The following RBFOX1 variants were observed in gnomAD, a reference collection of about 807,000 sequenced individuals.
The protein encoded by RBFOX1 is RNA binding fox-1 homolog 1.
A neutral mutation model predicts 57.7 loss-of-function variants in RBFOX1; 8 were observed. The observed-to-expected ratio is 0.14, with a 90% CI of 0.08 to 0.25. The LOEUF is 0.25. Ranked by LOEUF, RBFOX1 falls within the 10% of genes least tolerant of loss-of-function variation. The pLI is 1.00. For synonymous variants in RBFOX1, 326 were observed against 222.4 expected (o/e 1.47, Z -4.15); for missense variants, 611 against 548.5 (o/e 1.11, Z -1.14).
At chr16:5,771,895 T>C (rs2053990430) in intron 3 of RBFOX1, among the ~76,000 whole-genome samples, 1 of 152,146 alleles carries the variant, frequency 6.6e-6, no homozygotes, top group Admixed American at 6.6e-5. Flanking sequence ...TAGTTTGGGC[T>C]GGGCACAGTG....
At chr16:6,059,023 T>A (rs2095652049) in intron 1 of RBFOX1, among the ~76,000 whole-genome samples, 1 of 152,234 alleles carries the variant, frequency 6.6e-6, no homozygotes, top group African/African-American at 2.4e-5. Flanking sequence ...GAATGCCACA[T>A]CTTTGCAAAA....
rs559927304 is a variant in RBFOX1, at chr16:7,278,284, A to G, written c.27+226186A>G. 8.5e-5 allele frequency among the ~76,000 whole-genome samples: 13 copies of G among 152,296 alleles called. No homozygotes were observed. The South Asian group carries it at 2.1e-3, about 24-fold the overall frequency. ...AATTGCAAGTATACCAGCTAATTAG[A>G]CATGTGTTCCGTAATGCTTAAAGAG... is the stretch of plus-strand genomic sequence containing the variant. On this transcript the variant is annotated intron_variant, in intron 4 of 15. Coordinates refer to ENST00000550418, the MANE Select transcript of RBFOX1 (RefSeq NM_018723.4).
At chr16:6,969,637 G>A (rs2085075636) in intron 3 of RBFOX1, among the ~76,000 whole-genome samples, 1 of 152,110 alleles carries the variant, frequency 6.6e-6, no homozygotes, top group Admixed American at 6.6e-5. Context: ...TCAGCTACTC[G>A]GGAGGCTGAG....
intron 1 of RBFOX1, among the ~76,000 whole-genome samples, chr16:5,331,096 G>A (rs1308678370): frequency 6.6e-6 from 1 of 152,136 alleles, no homozygotes; most frequent in African/African-American, 2.4e-5. Context: ...AGGGGAGAGA[G>A]GGAGGTAAAC....
At chr16:5,249,859 T>G (rs1366795125) in intron 1 of RBFOX1, among the ~76,000 whole-genome samples, 2 of 152,166 alleles carry the variant, frequency 1.3e-5, no homozygotes, top group Non-Finnish European at 2.9e-5. Context: ...TTTGGGAGGC[T>G]GAGGCAAGAG....
intron 3 of RBFOX1, among the ~76,000 whole-genome samples, chr16:6,735,923 AT>A (rs138048642): frequency 1.5e-4 from 23 of 150,004 alleles, no homozygotes; most frequent in African/African-American, 4.9e-4. Flanking sequence ...TTTTGTCGCC[AT>A]TTTTTTTTTG....
chr16:6,408,842 C>G (rs562690154), intron 2 of RBFOX1, among the ~76,000 whole-genome samples: 186 of 152,242 alleles, frequency 1.2e-3, no homozygotes, highest in African/African-American at 4.3e-3. Context: ...ACCCATCTTG[C>G]TGCTATTTTC....
intron 4 of RBFOX1, among the ~76,000 whole-genome samples, chr16:7,269,617 C>T (rs2095267638): frequency 2.0e-5 from 3 of 151,990 alleles, no homozygotes; most frequent in Non-Finnish European, 4.4e-5. Flanking sequence ...GTAATGATTC[C>T]ATAATGTTCT....
intron 3 of RBFOX1, among the ~76,000 whole-genome samples, chr16:6,867,258 T>A (rs2060103625): frequency 6.6e-6 from 1 of 152,130 alleles, no homozygotes; most frequent in Non-Finnish European, 1.5e-5. Context: ...TCCTTTTTTT[T>A]CCTTTCTGAT....
At chr16:7,507,795 C>T (rs867185668) in intron 4 of RBFOX1, among the ~76,000 whole-genome samples, 1 of 151,954 alleles carries the variant, frequency 6.6e-6, no homozygotes, top group African/African-American at 2.4e-5. Flanking sequence ...GATGTCCTGA[C>T]GTCGTGATCC....
intron 3 of RBFOX1, among the ~76,000 whole-genome samples, chr16:5,820,605 C>G (rs9302808): frequency 0.1 from 15,198 of 152,188 alleles, 1,193 homozygotes; most frequent in African/African-American, 0.22. Flanking sequence ...CAGAGGGCAC[C>G]TGAAAATGAG....
chr16:6,598,632 CATTCA>C (rs1273486020), intron 2 of RBFOX1, among the ~76,000 whole-genome samples: 1 of 150,072 alleles, frequency 6.7e-6, no homozygotes, highest in East Asian at 2.3e-4. Context: ...ATTATGTGAC[CATTCA>C]AAATGGCTTT....
At chr16:6,051,643 A>C (rs1425719682) in intron 1 of RBFOX1, among the ~76,000 whole-genome samples, 3 of 152,140 alleles carry the variant, frequency 2.0e-5, no homozygotes, top group Non-Finnish European at 4.4e-5. Context: ...GGCTCATGGC[A>C]ACCTCTGCCT....
intron 2 of RBFOX1, among the ~76,000 whole-genome samples, chr16:5,539,110 G>A (rs903324948): frequency 1.3e-5 from 2 of 152,082 alleles, no homozygotes; most frequent in African/African-American, 4.8e-5. Flanking sequence ...GTGTCTTTCC[G>A]AGGGCACGTA....
At chr16:6,162,851 A>T (rs2096889954) in intron 1 of RBFOX1, among the ~76,000 whole-genome samples, 1 of 152,066 alleles carries the variant, frequency 6.6e-6, no homozygotes. Flanking sequence ...CTCCTGCTTC[A>T]CCCAACCGAG....
chr16:6,140,799 G>C (rs1021057186), intron 1 of RBFOX1, among the ~76,000 whole-genome samples: 1 of 152,140 alleles, frequency 6.6e-6, no homozygotes, highest in African/African-American at 2.4e-5. Context: ...TCTTCAAGCT[G>C]TGTTTCCTTC....
chr16:6,188,906 A>C (rs112817209), intron 1 of RBFOX1, among the ~76,000 whole-genome samples: 163 of 151,938 alleles, frequency 1.1e-3, no homozygotes, highest in African/African-American at 3.8e-3. Context: ...TCTTTTATTA[A>C]GAGATCTGTA....
intron 3 of RBFOX1, among the ~76,000 whole-genome samples, chr16:6,860,340 G>T (rs189840579): frequency 2.0e-5 from 3 of 152,266 alleles, no homozygotes; most frequent in East Asian, 1.9e-4. Flanking sequence ...TTGGCTGGGG[G>T]TGGTAATATT....
intron 5 of RBFOX1, among the ~76,000 whole-genome samples, chr16:7,548,781 GAGTTGT>G (rs2085399468): frequency 1.3e-5 from 2 of 152,196 alleles, no homozygotes; most frequent in Non-Finnish European, 2.9e-5. Flanking sequence ...CCTCTGTCTG[GAGTTGT>G]CAGCCTGGCT....
Sources: allele counts gnomAD v4.1 joint callset (sites outside exome capture counted in the v4.1 genomes callset), GRCh38; gene constraint gnomAD v4.1.1; transcripts MANE v1.5; gene names NCBI Gene and HGNC (gene_info 2026-07-23, HGNC 2026-07-21).